The following FGF2 variants were observed in gnomAD, a reference collection of about 807,000 sequenced individuals.
FGF2 encodes the protein fibroblast growth factor 2.
Under a neutral mutation model 15.9 loss-of-function variants are expected in FGF2, and 13 were observed. That is an observed-to-expected ratio of 0.82 (90% CI 0.53 to 1.30). The LOEUF (loss-of-function observed/expected upper bound fraction) is 1.30. Ranked by LOEUF, FGF2 falls within the 50% of genes most tolerant of loss-of-function variation. FGF2 has a pLI of 0.00. For missense variants in FGF2, 163 were observed against 196.9 expected (o/e 0.83, Z 1.03); for synonymous variants, 90 against 78.4 (o/e 1.15, Z -0.78).
chr4:122,827,138 A>G lies in FGF2; in HGVS notation c.-37A>G, dbSNP rs1725656227. On this transcript the variant is annotated 5_prime_UTR_variant, in exon 1 of 3. Transcript: ENST00000644866. The surrounding 1 kb of genome is among the most constrained non-coding windows in gnomAD (Gnocchi z 4.2). ...GGACGGCGGCTCCCCGCGCGGCTCC[A>G]GCGGCTCGGGGATCCCGGCCGGGCC... is the stretch of plus-strand genomic sequence containing the variant. 2.2e-6 allele frequency: 3 copies of G among 1,334,394 alleles called. No homozygotes were observed. The highest frequency in any genetic ancestry group is 3.7e-5 in the Admixed American group (1 of 27,226). The allele number at this position is 1,334,394 out of a possible 1,614,324, so 82.7% of individuals were successfully genotyped here. A position where few individuals can be genotyped will look rare whatever the true frequency, so the allele number is the denominator to read the frequency against.
At position 122,892,564 on chromosome 4, in the gene FGF2, A is replaced by C. The variant is rs45627736; in HGVS notation, c.*168A>C. 0.033 allele frequency: 47,550 copies of C among 1,455,768 alleles called. 950 individuals carry two copies. The highest frequency in any genetic ancestry group is 0.038 in the Non-Finnish European group (42,675 of 1,109,540). The allele number at this position is 1,455,768 out of a possible 1,614,324, so 90.2% of individuals were successfully genotyped here. ...GTAACCATTGTCCCAGTAAAGAAAA[A>C]TAACAAAAGTTGTAAAATGTATATT... On this transcript the variant is annotated 3_prime_UTR_variant, in exon 3 of 3. Transcript: ENST00000644866.
chr4:122,885,217 G>T (rs1440960932), intron 2 of FGF2, among the ~76,000 whole-genome samples: 1 of 152,128 alleles, frequency 6.6e-6, no homozygotes, highest in Non-Finnish European at 1.5e-5. Flanking sequence ...AAATGTCATT[G>T]AATTATATTT....
chr4:122,860,461 T>C (rs1389122506), intron 1 of FGF2, among the ~76,000 whole-genome samples: 1 of 143,448 alleles, frequency 7.0e-6, no homozygotes, highest in Non-Finnish European at 1.5e-5. Flanking sequence ...TTTTTTTTTT[T>C]TTTTTTTTTT....
chr4:122,826,857 G>C lies in FGF2; in HGVS notation c.-318G>C. On this transcript the variant is annotated 5_prime_UTR_variant, in exon 1 of 3. Coordinates refer to ENST00000644866, the MANE Select transcript of FGF2 (RefSeq NM_001361665.2). ...CCAGATTAGCGGACGCGGTGCCCGC[G>C]GTTGCAACGGGATCCCGGGCGCTGC... 1.3e-6 allele frequency: 2 copies of C among 1,504,170 alleles called. No individual in the cohort carries two copies. Among genetic ancestry groups the C allele is most frequent in the Non-Finnish European group, 1.8e-6 (2 of 1,124,788 alleles). 93.2% of individuals were successfully genotyped at this position (1,504,170 alleles called of 1,614,324 possible).
chr4:122,881,390 C>T (rs543983646), intron 2 of FGF2, among the ~76,000 whole-genome samples: 2 of 152,276 alleles, frequency 1.3e-5, no homozygotes, highest in African/African-American at 4.8e-5. Context: ...TGCTCTCCTT[C>T]CCTTATAAAA....
At chr4:122,867,644 C>T (rs1473107033) in intron 1 of FGF2, among the ~76,000 whole-genome samples, 2 of 152,144 alleles carry the variant, frequency 1.3e-5, no homozygotes, top group Non-Finnish European at 2.9e-5. Context: ...TGTGCTCAGC[C>T]ACAATTAATG....
intron 2 of FGF2, 63 bp downstream of exon 2, chr4:122,876,487 ATTGTTGTTT>A: frequency 1.0e-6 from 1 of 977,466 alleles, no homozygotes; most frequent in Non-Finnish European, 1.7e-6. Context: ...ATTTACCAGC[ATTGTTGTTT>A]ATCAAATCTT....
intron 1 of FGF2, among the ~76,000 whole-genome samples, chr4:122,834,267 C>T (rs1304988979): frequency 6.6e-6 from 1 of 152,196 alleles, no homozygotes; most frequent in Non-Finnish European, 1.5e-5. Flanking sequence ...TGGAGGTTCT[C>T]CAGGGACCCC....
intron 1 of FGF2, among the ~76,000 whole-genome samples, chr4:122,844,032 A>G (rs1201360342): frequency 6.6e-6 from 1 of 152,238 alleles, no homozygotes; most frequent in Non-Finnish European, 1.5e-5. Flanking sequence ...CTATCACGAA[A>G]GATTTCTCTG....
intron 2 of FGF2, 82 bp from the exon 3 acceptor site, chr4:122,892,129 T>C: frequency 8.2e-7 from 1 of 1,221,684 alleles, no homozygotes; most frequent in South Asian, 1.3e-5. Context: ...GAATAGGCAT[T>C]ATACTATCAT....
intron 2 of FGF2, among the ~76,000 whole-genome samples, chr4:122,877,775 T>C (rs1726887142): frequency 6.6e-6 from 1 of 152,200 alleles, no homozygotes; most frequent in South Asian, 2.1e-4. Context: ...GCTATACAAA[T>C]AGTTTTTGAA....
At chr4:122,833,832 T>G (rs142353444) in intron 1 of FGF2, among the ~76,000 whole-genome samples, 1 of 152,216 alleles carries the variant, frequency 6.6e-6, no homozygotes, top group African/African-American at 2.4e-5. Context: ...TATAGCAAAG[T>G]TATATTTGGG....
At chr4:122,853,870 A>T (rs1029724915) in intron 1 of FGF2, among the ~76,000 whole-genome samples, 14 of 152,248 alleles carry the variant, frequency 9.2e-5, no homozygotes, top group African/African-American at 3.4e-4. Flanking sequence ...AAATGAAAGA[A>T]TGAACGTTCT....
chr4:122,894,740 G>A lies in FGF2; in HGVS notation c.*2344G>A, dbSNP rs1303221348. On this transcript the variant is annotated 3_prime_UTR_variant, in exon 3 of 3. Transcript: ENST00000644866. ...TTAAATGTCCATTTTTATTCATTAT[G>A]CTTTGAAAAATAATTATGGGGAAAT... 1 of 151,966 alleles carries A rather than the reference G, an allele frequency of 6.6e-6. No homozygotes were observed. The highest frequency in any genetic ancestry group is 1.5e-5 in the Non-Finnish European group (1 of 67,998). The allele number at this position is 151,966 out of a possible 1,614,324, so 9.4% of individuals were successfully genotyped here.
At chr4:122,868,595 C>G (rs1367984240) in intron 1 of FGF2, among the ~76,000 whole-genome samples, 1 of 152,094 alleles carries the variant, frequency 6.6e-6, no homozygotes, top group African/African-American at 2.4e-5. Context: ...GTGCATGTGT[C>G]TTTATAGTAG....
chr4:122,886,021 C>T (rs778904383), intron 2 of FGF2, among the ~76,000 whole-genome samples: 1 of 148,192 alleles, frequency 6.7e-6, no homozygotes, highest in Non-Finnish European at 1.5e-5. Flanking sequence ...TGGGCTCAAG[C>T]GATCCTCCTA....
At position 122,826,965 on chromosome 4, in the gene FGF2, C is replaced by T; in HGVS notation, c.-210C>T. On this transcript the variant is annotated 5_prime_UTR_variant, in exon 1 of 3. Transcript: ENST00000644866. ...CAGGTCCCGGGCCGCCGGCTCGCCG[C>T]GCACCAGGGGCCGGCGGACAGAAGA... 4 of 1,334,398 alleles carry T rather than the reference C, an allele frequency of 3.0e-6. No individual in the cohort carries two copies. The highest frequency in any genetic ancestry group is 3.9e-6 in the Non-Finnish European group (4 of 1,038,224). 82.7% of individuals were successfully genotyped at this position (1,334,398 alleles called of 1,614,324 possible). A position where few individuals can be genotyped will look rare whatever the true frequency, so the allele number is the denominator to read the frequency against.
chr4:122,876,382 C>T lies in FGF2; in HGVS notation c.240C>T (p.Asn80=), dbSNP rs557906415. The change falls in exon 2 of 3, where the codon AAC becomes AAT. Residue 80 remains asparagine, a synonymous_variant. Transcript: ENST00000644866. ...GVVSIKGVCA[N]RYLAMKEDGR... Reference sequence around the variant, plus strand: ...TGTCTATCAAAGGAGTGTGTGCTAACCGTTACCTGGCTATGAAGGAAGATG... The same window carrying T: ...TGTCTATCAAAGGAGTGTGTGCTAATCGTTACCTGGCTATGAAGGAAGATG... 40 of 1,613,292 alleles carry T rather than the reference C, an allele frequency of 2.5e-5. No homozygotes were observed. The African/African-American group carries it at 4.7e-4, about 19-fold the overall frequency.
In FGF2 at chr4:122,897,413, CTAA is replaced by C. The variant is rs535041419; in HGVS notation, c.*5019_*5021del. The stretch of plus-strand genomic sequence containing the variant: ...AAACAGAAGAATAGGTGGTATGTTC[CTAA>C]TGATATTATTTCTACTAATGGAATA... On this transcript the variant is annotated 3_prime_UTR_variant, in exon 3 of 3. Coordinates refer to ENST00000644866, the MANE Select transcript of FGF2 (RefSeq NM_001361665.2). The C allele has an allele frequency of 4.1e-4, 231 of 569,342 alleles. No individual in the cohort carries two copies. The African/African-American group carries it at 4.1e-3, about 10-fold the overall frequency. 35.3% of individuals were successfully genotyped at this position (569,342 alleles called of 1,614,324 possible). A position where few individuals can be genotyped will look rare whatever the true frequency, so the allele number is the denominator to read the frequency against.
Sources: allele counts gnomAD v4.1 joint callset (sites outside exome capture counted in the v4.1 genomes callset), GRCh38; gene constraint gnomAD v4.1.1; non-coding constraint Gnocchi (gnomAD v3.1); transcripts MANE v1.5; gene names NCBI Gene and HGNC (gene_info 2026-07-23, HGNC 2026-07-21).